ATL1: variants seen among roughly 807,000 people sequenced by gnomAD.
The protein encoded by ATL1 is atlastin-1.
In ATL1, 31 loss-of-function variants were observed where a neutral mutation model predicts 75.5. The observed-to-expected ratio is 0.41, with a 90% CI of 0.31 to 0.55. The LOEUF is 0.55. Ranked by LOEUF, ATL1 falls within the 20% of genes least tolerant of loss-of-function variation. The pLI, the probability that ATL1 is intolerant of heterozygous loss-of-function variation, is 0.27. For synonymous variants in ATL1, 226 were observed against 233.3 expected (o/e 0.97, Z 0.28); for missense variants, 405 against 662.6 (o/e 0.61, Z 4.27).
At chr14:50,600,502 C>A (rs1208340369) in intron 6 of ATL1, among the ~76,000 whole-genome samples, 1 of 151,894 alleles carries the variant, frequency 6.6e-6, no homozygotes, top group Non-Finnish European at 1.5e-5. Flanking sequence ...TTAAAGCAAC[C>A]AAATCCAAAA....
chr14:50,597,220 C>A (rs11845996), intron 6 of ATL1, among the ~76,000 whole-genome samples: 195 of 108,258 alleles, frequency 1.8e-3, no homozygotes, highest in South Asian at 2.8e-3. Flanking sequence ...AAAAAACAAA[C>A]AAAAAAAAAA....
In ATL1 at chr14:50,595,633, G is replaced by T; in HGVS notation, c.630+1G>T. ...GGAAACATTCCTGAAGCCATTTCAG[G>T]TGAGCGAGTGTTAAATGATGGTAAA... On this transcript the variant is annotated splice_donor_variant, in intron 6 of 13. Transcript: ENST00000358385. LOFTEE classifies it high-confidence loss of function. The T allele has an allele frequency of 6.2e-7, 1 of 1,613,692 alleles. No individual in the cohort carries two copies. Among genetic ancestry groups the T allele is most frequent in the South Asian group, 1.1e-5 (1 of 91,068 alleles).
intron 1 of ATL1, among the ~76,000 whole-genome samples, chr14:50,539,302 G>C (rs2038532802): frequency 6.6e-6 from 1 of 152,232 alleles, no homozygotes; most frequent in East Asian, 1.9e-4. Context: ...GTAACAGTGA[G>C]GTTTACTAAA....
intron 10 of ATL1, among the ~76,000 whole-genome samples, chr14:50,622,364 A>G (rs2039475506): frequency 6.6e-6 from 1 of 152,126 alleles, no homozygotes; most frequent in South Asian, 2.1e-4. Flanking sequence ...CCTCATATCT[A>G]AAAAATAAGT....
At chr14:50,598,279 G>A (rs1486331617) in intron 6 of ATL1, among the ~76,000 whole-genome samples, 1 of 152,054 alleles carries the variant, frequency 6.6e-6, no homozygotes, top group Non-Finnish European at 1.5e-5. Flanking sequence ...AATTACAATA[G>A]GATTTTTGTA....
chr14:50,627,374 T>C (rs1241458755), intron 11 of ATL1, among the ~76,000 whole-genome samples: 1 of 152,244 alleles, frequency 6.6e-6, no homozygotes, highest in Non-Finnish European at 1.5e-5. Flanking sequence ...CTTATTGCAG[T>C]GGTCTGGAAC....
At chr14:50,577,462 T>C (rs2039016901) in intron 1 of ATL1, among the ~76,000 whole-genome samples, 2 of 152,216 alleles carry the variant, frequency 1.3e-5, no homozygotes, top group African/African-American at 4.8e-5. Flanking sequence ...GAAACTGAAG[T>C]TTTTCTAAAT....
intron 6 of ATL1, among the ~76,000 whole-genome samples, chr14:50,611,118 GTCATC>G (rs2039361917): frequency 2.0e-5 from 3 of 152,100 alleles, no homozygotes; most frequent in Non-Finnish European, 4.4e-5. Context: ...GATCTCAGTG[GTCATC>G]TTGGCCGTCA....
In ATL1 at chr14:50,629,976, T is replaced by C; in HGVS notation, c.1552-19T>C. On this transcript the variant is annotated intron_variant, in intron 12 of 13. Transcript: ENST00000358385. Reference sequence around the variant, plus strand: ...GATATATACTTTTCTTTTTTCTTTTTAATCTGCCTTTGCCACAGGGAAGTA... The same window carrying C: ...GATATATACTTTTCTTTTTTCTTTTCAATCTGCCTTTGCCACAGGGAAGTA... The C allele has an allele frequency of 6.3e-7, 1 of 1,582,426 alleles. No individual in the cohort carries two copies. The highest frequency in any genetic ancestry group is 8.6e-7 in the Non-Finnish European group (1 of 1,159,828).
At chr14:50,615,749 T>C (rs1320262136) in intron 8 of ATL1, among the ~76,000 whole-genome samples, 2 of 152,204 alleles carry the variant, frequency 1.3e-5, no homozygotes, top group African/African-American at 4.8e-5. Flanking sequence ...ATAAATTACA[T>C]AAAGAAAGCC....
chr14:50,587,556 C>T (rs956318475), intron 1 of ATL1, among the ~76,000 whole-genome samples: 5 of 151,358 alleles, frequency 3.3e-5, no homozygotes, highest in African/African-American at 7.3e-5. Flanking sequence ...ACCACAGGCA[C>T]GTGCTACCAC....
At chr14:50,574,907 G>A in intron 1 of ATL1, among the ~76,000 whole-genome samples, 1 of 48,520 alleles carries the variant, frequency 2.1e-5, no homozygotes, top group African/African-American at 8.8e-5. Flanking sequence ...TTTCAATACT[G>A]AGTGTGTGTG....
chr14:50,603,476 A>G (rs767273229), intron 6 of ATL1, among the ~76,000 whole-genome samples: 4 of 152,164 alleles, frequency 2.6e-5, no homozygotes, highest in Non-Finnish European at 5.9e-5. Flanking sequence ...TTGCTGAAAA[A>G]TAATAGAAGG....
chr14:50,631,010 G>A (rs1402892802), intron 13 of ATL1: 8 of 452,042 alleles, frequency 1.8e-5, no homozygotes, highest in Non-Finnish European at 3.5e-5. Context: ...TGTAATCCCA[G>A]CACTTTGGGA....
intron 11 of ATL1, among the ~76,000 whole-genome samples, chr14:50,626,818 C>A (rs557871395): frequency 6.6e-6 from 1 of 152,276 alleles, no homozygotes; most frequent in African/African-American, 2.4e-5. Context: ...ATTACAGTCA[C>A]CCTACTGAGC....
At chr14:50,586,273 G>T (rs1201627881) in intron 1 of ATL1, among the ~76,000 whole-genome samples, 3 of 152,164 alleles carry the variant, frequency 2.0e-5, no homozygotes, top group Non-Finnish European at 4.4e-5. Context: ...ATCATAGACT[G>T]GGGTGGCTTA....
At chr14:50,595,504 T>C in intron 5 of ATL1, 72 bp from the exon 6 acceptor site, 2 of 1,416,310 alleles carry the variant, frequency 1.4e-6, no homozygotes, top group Admixed American at 3.4e-5. Flanking sequence ...ATTAAAACTT[T>C]GCAGGTGCTA....
In ATL1 at chr14:50,597,667, A is replaced by AT. The variant is rs561750712; in HGVS notation, c.630+2040dup. On this transcript the variant is annotated intron_variant, in intron 6 of 13. Coordinates refer to ENST00000358385, the MANE Select transcript of ATL1 (RefSeq NM_015915.5). ...TGTAGGTATCATATTATGTGATAAC[A>AT]TTTTTAAATTTTAAAAGGTCAATAG... is the stretch of plus-strand genomic sequence containing the variant. Among the ~76,000 whole-genome samples the AT allele has an allele frequency of 3.9e-5, 6 of 152,262 alleles. No homozygotes were observed. The South Asian group carries it at 1.2e-3, about 32-fold the overall frequency.
chr14:50,559,816 T>G (rs2038812248), upstream of ATL1: 1 of 163,960 alleles, frequency 6.1e-6, no homozygotes, highest in Admixed American at 6.0e-5. Context: ...TGTTGCCAGC[T>G]TGTTTGTACT....
Sources: allele counts gnomAD v4.1 joint callset (sites outside exome capture counted in the v4.1 genomes callset), GRCh38; gene constraint gnomAD v4.1.1; transcripts MANE v1.5; gene names NCBI Gene and HGNC (gene_info 2026-07-23, HGNC 2026-07-21).